Variants in CPVL observed in about 807,000 individuals in gnomAD.
CPVL encodes probable serine carboxypeptidase CPVL.
A neutral mutation model predicts 63.7 loss-of-function variants in CPVL; 51 were observed. The ratio of observed to expected loss-of-function variants is 0.80; its 90% confidence interval spans 0.64 to 1.01. The LOEUF (loss-of-function observed/expected upper bound fraction) is 1.01, where lower values mean the gene tolerates loss of function less well. Ranked by LOEUF, CPVL falls within the 50% of genes least tolerant of loss-of-function variation. CPVL has a pLI of 0.00. For missense variants in CPVL, 530 were observed against 573.1 expected, an observed-to-expected ratio of 0.92 and a Z score of 0.77; for synonymous variants, 195 against 206.0, an observed-to-expected ratio of 0.95 and a Z score of 0.46.
intron 3 of CPVL, among the ~76,000 whole-genome samples, chr7:29,108,098 C>T (rs922705429): frequency 2.0e-5 from 3 of 152,216 alleles, no homozygotes; most frequent in African/African-American, 7.2e-5. Flanking sequence ...TGTAGGTTGC[C>T]CCAGCACCTC....
intron 1 of CPVL, chr7:29,194,915 G>T (rs1412293685): frequency 1.3e-6 from 2 of 1,540,874 alleles, no homozygotes; most frequent in Admixed American, 2.0e-5. Context: ...GGGGCTGAGC[G>T]AGCAGCGACG....
intron 12 of CPVL, among the ~76,000 whole-genome samples, chr7:29,021,488 C>T (rs755957663): frequency 1.3e-5 from 2 of 150,544 alleles, no homozygotes; most frequent in African/African-American, 2.4e-5. Flanking sequence ...CTGGGAACTT[C>T]TGAGGCATAG....
At chr7:29,169,609 T>A (rs920205841) in intron 5 of CPVL, among the ~76,000 whole-genome samples, 1 of 152,114 alleles carries the variant, frequency 6.6e-6, no homozygotes, top group African/African-American at 2.4e-5. Context: ...GACCATTGGC[T>A]TTTTCTACCT....
chr7:29,083,584 C>A (rs1311450629), intron 7 of CPVL, among the ~76,000 whole-genome samples: 1 of 152,136 alleles, frequency 6.6e-6, no homozygotes, highest in Non-Finnish European at 1.5e-5. Flanking sequence ...AGCAGGAGTA[C>A]CACATGAAAA....
At chr7:29,028,966 C>CA (rs59054295) in intron 12 of CPVL, among the ~76,000 whole-genome samples, 19,767 of 88,270 alleles carry the variant, frequency 0.22, 2,000 homozygotes, top group East Asian at 0.36. Context: ...GACTCCATCT[C>CA]AAAAAAAAAA....
chr7:28,995,540 C>G lies in CPVL; in HGVS notation c.*232G>C. The G allele has an allele frequency of 2.3e-6, 1 of 442,616 alleles. No homozygotes were observed. Among genetic ancestry groups the G allele is most frequent in the Non-Finnish European group, 3.9e-6 (1 of 253,940 alleles). 27.4% of individuals were successfully genotyped at this position (442,616 alleles called of 1,614,324 possible). A position where few individuals can be genotyped will look rare whatever the true frequency, so the allele number is the denominator to read the frequency against. On this transcript the variant is annotated 3_prime_UTR_variant, in exon 13 of 13. Transcript: ENST00000265394. Reference sequence around the variant, plus strand: ...TGTCTCAGTGTCACATCATCCATACCTTTCATCCTTTAAGTTAAATAATGT... The same window carrying G: ...TGTCTCAGTGTCACATCATCCATACGTTTCATCCTTTAAGTTAAATAATGT...
upstream of CPVL, chr7:29,146,933 G>T (rs1311078165): frequency 2.6e-6 from 4 of 1,551,168 alleles, no homozygotes; most frequent in Non-Finnish European, 3.5e-6. Flanking sequence ...CACGTTCGCT[G>T]ATGGTCTACA....
chr7:29,169,293 A>G (rs535018091), intron 5 of CPVL, among the ~76,000 whole-genome samples: 9 of 152,228 alleles, frequency 5.9e-5, no homozygotes, highest in South Asian at 2.1e-4. Context: ...CTATTATTCA[A>G]TCCCTTAAAA....
intron 5 of CPVL, among the ~76,000 whole-genome samples, chr7:29,173,447 T>C (rs1325272767): frequency 6.6e-6 from 1 of 151,946 alleles, no homozygotes; most frequent in East Asian, 1.9e-4. Context: ...TACGAGAGAA[T>C]GTCACCCCCA....
intron 12 of CPVL, among the ~76,000 whole-genome samples, chr7:29,016,479 G>A (rs1002273352): frequency 6.6e-6 from 1 of 152,176 alleles, no homozygotes; most frequent in Non-Finnish European, 1.5e-5. Flanking sequence ...AATTGGTGAG[G>A]GCTTTCCAGA....
chr7:29,037,903 C>T (rs1048987821), intron 11 of CPVL, among the ~76,000 whole-genome samples: 1 of 152,196 alleles, frequency 6.6e-6, no homozygotes, highest in Admixed American at 6.5e-5. Flanking sequence ...TAATTTTCTC[C>T]TCTAAATAGT....
At chr7:29,008,284 T>C (rs1357819602) in intron 12 of CPVL, among the ~76,000 whole-genome samples, 2 of 152,150 alleles carry the variant, frequency 1.3e-5, no homozygotes, top group East Asian at 3.8e-4. Context: ...ATCTTTTCAT[T>C]AATCCAGGTA....
Position 29,071,830 on chromosome 7 carries a change from C to T in CPVL, c.807G>A (p.Lys269=), listed in dbSNP as rs753228022. 6.2e-7 allele frequency: 1 copy of T among 1,613,448 alleles called. No individual in the cohort carries two copies. The highest frequency in any genetic ancestry group is 8.5e-7 in the Non-Finnish European group (1 of 1,179,706). ...LDEKQKKYFQ[K]QCHECIEHIR... ...TGTGTTCTATGCATTCATGGCACTG[C>T]TTCTGGAAGTACTTTTTTTGCTTCT... The change falls in exon 9 of 13, where the codon AAG becomes AAA. Residue 269 remains lysine, a synonymous_variant. Coordinates refer to ENST00000265394, the MANE Select transcript of CPVL (RefSeq NM_031311.5).
chr7:29,083,886 T>C lies in CPVL; in HGVS notation c.609+2598A>G, dbSNP rs1784968121. Among the ~76,000 whole-genome samples the C allele has an allele frequency of 2.6e-5, 4 of 152,286 alleles. No homozygotes were observed. The South Asian group carries it at 8.3e-4, about 32-fold the overall frequency. On this transcript the variant is annotated intron_variant, in intron 7 of 12. Coordinates refer to ENST00000265394, the MANE Select transcript of CPVL (RefSeq NM_031311.5). ...CACACTGAGGTAGCTACTGGTACCT[T>C]TCCTGGGGCTATTAGTCTTTACAGT...
rs190380947 is a variant in CPVL, at chr7:29,154,779, G to A, written c.-11+26511C>T. Among the ~76,000 whole-genome samples, 373 of 152,344 alleles carry A rather than the reference G, an allele frequency of 2.4e-3. 2 individuals are homozygous for A. The highest frequency in any genetic ancestry group is 3.6e-3 in the Non-Finnish European group (242 of 68,034). ...GAACCCGGAAGGCAGAGGTTGCAGT[G>A]AACCAAGATTACGCCACTGCACTCC... On this transcript the variant is annotated intron_variant, in intron 5 of 16. Coordinates refer to the CPVL transcript ENST00000409850.
chr7:29,025,729 T>C (rs998242475), intron 12 of CPVL, among the ~76,000 whole-genome samples: 2 of 152,052 alleles, frequency 1.3e-5, no homozygotes, highest in African/African-American at 2.4e-5. Flanking sequence ...AAGATAAAAA[T>C]TGTAAAAAAA....
chr7:29,037,552 C>CCAAA (rs1788660597), intron 11 of CPVL, among the ~76,000 whole-genome samples: 1 of 56,374 alleles, frequency 1.8e-5, no homozygotes, highest in South Asian at 7.3e-4. Context: ...GACTCCATCT[C>CCAAA]AAAAAAAAAA....
intron 3 of CPVL, 46 bp from the exon 4 acceptor site, chr7:29,096,263 A>G: frequency 6.9e-7 from 1 of 1,452,040 alleles, no homozygotes; most frequent in South Asian, 1.1e-5. Flanking sequence ...CACTCACTTA[A>G]GGCTACAGAA....
At chr7:29,002,687 A>T (rs954884900) in intron 12 of CPVL, among the ~76,000 whole-genome samples, 1 of 152,134 alleles carries the variant, frequency 6.6e-6, no homozygotes, top group Non-Finnish European at 1.5e-5. Flanking sequence ...AATATATACA[A>T]GAGAATCAAA....
Sources: allele counts gnomAD v4.1 joint callset (sites outside exome capture counted in the v4.1 genomes callset), GRCh38; gene constraint gnomAD v4.1.1; transcripts MANE v1.5; gene names NCBI Gene and HGNC (gene_info 2026-07-23, HGNC 2026-07-21).